Variants in MARCHF3 observed in about 807,000 individuals in gnomAD.
MARCHF3 encodes membrane associated ring-CH-type finger 3, also known as E3 ubiquitin-protein ligase MARCHF3.
MARCHF3 carries 13 observed loss-of-function variants against 24.2 expected under a neutral mutation model. The ratio of observed to expected loss-of-function variants is 0.54; its 90% confidence interval spans 0.35 to 0.85. The LOEUF is 0.85. Ranked by LOEUF, MARCHF3 falls within the 40% of genes least tolerant of loss-of-function variation. The pLI is 0.01. For synonymous variants in MARCHF3, 144 were observed against 137.3 expected, an observed-to-expected ratio of 1.05 and a Z score of -0.34; for missense variants, 276 against 325.0, an observed-to-expected ratio of 0.85 and a Z score of 1.16.
chr5:126,908,467 A>G (rs1432190747), intron 3 of MARCHF3, among the ~76,000 whole-genome samples: 3 of 152,150 alleles, frequency 2.0e-5, no homozygotes, highest in African/African-American at 4.8e-5. Flanking sequence ...CCAATCAGAC[A>G]TAGATTTGGT....
intron 3 of MARCHF3, among the ~76,000 whole-genome samples, chr5:126,909,421 C>G (rs189039173): frequency 4.6e-5 from 7 of 152,216 alleles, no homozygotes; most frequent in African/African-American, 1.2e-4. Context: ...CCCCCAGCCT[C>G]GCTGTCGCCT....
At chr5:126,909,916 AG>A (rs1754458001) in intron 3 of MARCHF3, among the ~76,000 whole-genome samples, 1 of 152,214 alleles carries the variant, frequency 6.6e-6, no homozygotes, top group South Asian at 2.1e-4. Flanking sequence ...TCATCTCCCT[AG>A]CTTTATATCC....
chr5:126,969,327 C>T (rs1427388489), intron 1 of MARCHF3, among the ~76,000 whole-genome samples: 3 of 152,028 alleles, frequency 2.0e-5, no homozygotes, highest in Non-Finnish European at 4.4e-5. Flanking sequence ...GGGTTTTTTG[C>T]TCTTTTGCAG....
chr5:126,988,260 G>C (rs573218109), intron 1 of MARCHF3, among the ~76,000 whole-genome samples: 1 of 152,040 alleles, frequency 6.6e-6, no homozygotes, highest in South Asian at 2.1e-4. Flanking sequence ...CCAACATCAA[G>C]GTTCCATGCA....
intron 1 of MARCHF3, among the ~76,000 whole-genome samples, chr5:126,919,550 ACTT>A (rs1477952704): frequency 1.3e-5 from 2 of 152,164 alleles, no homozygotes; most frequent in Non-Finnish European, 2.9e-5. Flanking sequence ...ATTTGTCTCT[ACTT>A]CTTACATTTT....
At chr5:126,939,640 G>A (rs1342805799) in intron 1 of MARCHF3, among the ~76,000 whole-genome samples, 1 of 152,196 alleles carries the variant, frequency 6.6e-6, no homozygotes, top group African/African-American at 2.4e-5. Flanking sequence ...TCTAAGACTT[G>A]AATAGAAAGG....
At chr5:126,878,163 C>G in intron 4 of MARCHF3, 22 bp downstream of exon 4, 3 of 1,611,008 alleles carry the variant, frequency 1.9e-6, no homozygotes, top group Non-Finnish European at 2.5e-6. Context: ...TGGCCTGAAC[C>G]CCAGCCACGG....
chr5:126,991,444 T>G (rs1246379192), intron 1 of MARCHF3, among the ~76,000 whole-genome samples: 1 of 152,158 alleles, frequency 6.6e-6, no homozygotes, highest in Non-Finnish European at 1.5e-5. Flanking sequence ...AAATACCTAA[T>G]GTAAATGATG....
chr5:126,931,705 A>T (rs1304573277), intron 1 of MARCHF3, among the ~76,000 whole-genome samples: 1 of 152,118 alleles, frequency 6.6e-6, no homozygotes, highest in African/African-American at 2.4e-5. Flanking sequence ...CTAAAGTATA[A>T]TCTCTACCGC....
chr5:126,871,574 A>G (rs1752966976), intron 4 of MARCHF3, among the ~76,000 whole-genome samples: 1 of 152,238 alleles, frequency 6.6e-6, no homozygotes, highest in African/African-American at 2.4e-5. Flanking sequence ...TGTTGTGTTC[A>G]TCTTTGCATG....
At chr5:126,890,747 T>C (rs1167622727) in intron 3 of MARCHF3, among the ~76,000 whole-genome samples, 1 of 151,170 alleles carries the variant, frequency 6.6e-6, no homozygotes, top group African/African-American at 2.5e-5. Flanking sequence ...GCAATAAACA[T>C]ACATGTGCAT....
In MARCHF3 at chr5:127,024,491, G is replaced by A. The variant is rs1056390095; in HGVS notation, c.-57+5859C>T. 1.3e-4 allele frequency among the ~76,000 whole-genome samples: 20 copies of A among 152,276 alleles called. 1 individual carries two copies. The highest frequency in any genetic ancestry group is 3.1e-4 in the African/African-American group (13 of 41,546). On this transcript the variant is annotated intron_variant, in intron 1 of 4. Transcript: ENST00000308660. ...GCCTGAAGAAGACATCAGGTCAAAC[G>A]GGGACAGGGAAAAGCTTCCCAAAGG...
chr5:126,978,760 C>A (rs1042220545), intron 1 of MARCHF3, among the ~76,000 whole-genome samples: 59 of 152,348 alleles, frequency 3.9e-4, no homozygotes, highest in African/African-American at 1.3e-3. Flanking sequence ...TGTAACTGAG[C>A]ACCTCTTTTG....
intron 1 of MARCHF3, among the ~76,000 whole-genome samples, chr5:126,973,366 C>T (rs1342256457): frequency 6.6e-6 from 1 of 152,228 alleles, no homozygotes; most frequent in Non-Finnish European, 1.5e-5. Context: ...TCTGTATCAG[C>T]CTGCAGTTTG....
At position 126,878,183 on chromosome 5, in the gene MARCHF3, A is replaced by T. The variant is rs1287048201; in HGVS notation, c.603+2T>A. The T allele has an allele frequency of 1.2e-6, 2 of 1,614,024 alleles. No homozygotes were observed. Among genetic ancestry groups the T allele is most frequent in the Non-Finnish European group, 1.7e-6 (2 of 1,179,898 alleles). ...TGAACCCCAGCCACGGCCCATACTT[A>T]CTAGTGTCCAAAAGAGGTAAATAGT... On this transcript the variant is annotated splice_donor_variant, in intron 4 of 4. Coordinates refer to ENST00000308660, the MANE Select transcript of MARCHF3 (RefSeq NM_178450.5). LOFTEE classifies it high-confidence loss of function.
At chr5:126,916,286 A>G (rs1185396658) in intron 2 of MARCHF3, among the ~76,000 whole-genome samples, 1 of 152,150 alleles carries the variant, frequency 6.6e-6, no homozygotes, top group Non-Finnish European at 1.5e-5. Flanking sequence ...TCCTCATGAT[A>G]TGTGACAATC....
intron 1 of MARCHF3, among the ~76,000 whole-genome samples, chr5:126,932,554 G>A (rs1469824884): frequency 6.6e-6 from 1 of 152,178 alleles, no homozygotes; most frequent in Admixed American, 6.5e-5. Flanking sequence ...GCCAGAGCTT[G>A]TCATTGGAAC....
intron 1 of MARCHF3, among the ~76,000 whole-genome samples, chr5:126,947,629 A>G (rs1750075620): frequency 6.6e-6 from 1 of 152,210 alleles, no homozygotes; most frequent in Non-Finnish European, 1.5e-5. Context: ...GTACGTGTGC[A>G]CAGGGGCATG....
chr5:126,899,376 T>C (rs1485793526), intron 3 of MARCHF3: 4 of 884,924 alleles, frequency 4.5e-6, no homozygotes, highest in Non-Finnish European at 5.4e-6. Context: ...ATCTGAATTA[T>C]CTTGATGGTA....
Sources: gnomAD v4.1 joint callset for allele counts (sites outside exome capture counted in the v4.1 genomes callset) on GRCh38, gnomAD v4.1.1 for gene constraint, MANE v1.5 for transcripts, NCBI Gene and HGNC (gene_info 2026-07-23, HGNC 2026-07-21) for gene names.